RBFOX1: variants seen among roughly 807,000 people sequenced by gnomAD.
RBFOX1 encodes the protein RNA binding protein fox-1 homolog 1.
RBFOX1 carries 8 observed loss-of-function variants against 57.7 expected under a neutral mutation model. The ratio of observed to expected loss-of-function variants is 0.14; its 90% CI spans 0.08 to 0.25. The LOEUF (loss-of-function observed/expected upper bound fraction) is 0.25. RBFOX1 is among the 10% of genes least tolerant of loss of function. The pLI, the probability that RBFOX1 is intolerant of heterozygous loss-of-function variation, is 1.00. For missense variants in RBFOX1, 611 were observed against 548.5 expected (o/e 1.11, Z -1.14); for synonymous variants, 326 against 222.4 (o/e 1.47, Z -4.15).
At chr16:7,283,640 C>T (rs1047950914) in intron 4 of RBFOX1, among the ~76,000 whole-genome samples, 1 of 152,098 alleles carries the variant, frequency 6.6e-6, no homozygotes, top group African/African-American at 2.4e-5. Context: ...TGTATCCTTA[C>T]TCAGTTTTCT....
intron 1 of RBFOX1, among the ~76,000 whole-genome samples, chr16:6,091,801 AC>A (rs371334391): frequency 6.6e-6 from 1 of 152,310 alleles, no homozygotes; most frequent in African/African-American, 2.4e-5. Context: ...ACTGCACTCC[AC>A]CCTGTATGAC....
intron 3 of RBFOX1, among the ~76,000 whole-genome samples, chr16:6,731,275 C>G (rs1413638537): frequency 2.0e-5 from 3 of 152,124 alleles, no homozygotes; most frequent in Non-Finnish European, 2.9e-5. Flanking sequence ...AAGTAGAGTT[C>G]TGCACAACTA....
intron 4 of RBFOX1, among the ~76,000 whole-genome samples, chr16:7,245,466 A>T (rs907335599): frequency 1.4e-5 from 2 of 138,302 alleles, no homozygotes; most frequent in African/African-American, 5.7e-5. Context: ...GTTAAACCAT[A>T]CCTGGGGGTG....
intron 4 of RBFOX1, among the ~76,000 whole-genome samples, chr16:5,909,170 G>T (rs1156930848): frequency 7.2e-6 from 1 of 138,946 alleles, no homozygotes; most frequent in Non-Finnish European, 1.5e-5. Context: ...TGGGCTCACT[G>T]CAAGCTCCGC....
intron 3 of RBFOX1, among the ~76,000 whole-genome samples, chr16:5,668,292 A>C (rs2049910907): frequency 6.6e-6 from 1 of 152,176 alleles, no homozygotes; most frequent in Admixed American, 6.5e-5. Flanking sequence ...AAAACAACAA[A>C]AACACCAATT....
At chr16:6,662,129 G>C (rs962085952) in intron 3 of RBFOX1, among the ~76,000 whole-genome samples, 8 of 72,668 alleles carry the variant, frequency 1.1e-4, no homozygotes, top group African/African-American at 2.6e-4. Flanking sequence ...CGAGGGCTGG[G>C]GGCGGGGTGA....
chr16:7,437,995 G>C (rs2098736402), intron 4 of RBFOX1, among the ~76,000 whole-genome samples: 1 of 151,898 alleles, frequency 6.6e-6, no homozygotes, highest in South Asian at 2.1e-4. Context: ...CACTTTAGAA[G>C]TCCACGTGGA....
chr16:6,342,995 A>T (rs924455079), intron 2 of RBFOX1, among the ~76,000 whole-genome samples: 2 of 152,114 alleles, frequency 1.3e-5, no homozygotes, highest in African/African-American at 2.4e-5. Context: ...TTAGGAGACC[A>T]TGGTTTTTGA....
intron 1 of RBFOX1, among the ~76,000 whole-genome samples, chr16:5,356,601 C>T (rs989064323): frequency 3.3e-5 from 5 of 152,116 alleles, no homozygotes; most frequent in African/African-American, 1.2e-4. Flanking sequence ...TGGTGTCAGG[C>T]ACAGGTTTAC....
intron 14 of RBFOX1, chr16:7,693,402 C>A: frequency 2.9e-6 from 4 of 1,394,266 alleles, no homozygotes; most frequent in Non-Finnish European, 4.0e-6. Flanking sequence ...TGCATCCATC[C>A]AAGTCTCAGT....
chr16:7,677,074 T>C (rs2073495121), intron 14 of RBFOX1, among the ~76,000 whole-genome samples: 1 of 150,722 alleles, frequency 6.6e-6, no homozygotes, highest in Admixed American at 6.7e-5. Context: ...GCCTTGGTCC[T>C]TGTGTAGTTT....
At chr16:7,406,010 A>G (rs1289585731) in intron 4 of RBFOX1, among the ~76,000 whole-genome samples, 1 of 152,196 alleles carries the variant, frequency 6.6e-6, no homozygotes, top group Non-Finnish European at 1.5e-5. Context: ...CCTGCAACAC[A>G]CAGAGCATAT....
chr16:6,754,427 C>T (rs1041387747), intron 3 of RBFOX1, among the ~76,000 whole-genome samples: 2 of 152,164 alleles, frequency 1.3e-5, no homozygotes, highest in African/African-American at 2.4e-5. Flanking sequence ...AACCTACGGT[C>T]GAAGATTCAG....
chr16:6,993,166 C>T (rs1427993560), intron 3 of RBFOX1, among the ~76,000 whole-genome samples: 1 of 152,118 alleles, frequency 6.6e-6, no homozygotes, highest in East Asian at 1.9e-4. Context: ...TTTTCTTTGT[C>T]TCACTTGTCA....
At chr16:5,897,661 G>A (rs2058200558) in intron 4 of RBFOX1, among the ~76,000 whole-genome samples, 2 of 152,114 alleles carry the variant, frequency 1.3e-5, no homozygotes, top group African/African-American at 4.8e-5. Context: ...CTGGGATAAG[G>A]TGAACAAACC....
chr16:7,518,867 T>G (rs148856422), intron 5 of RBFOX1, among the ~76,000 whole-genome samples: 1 of 152,016 alleles, frequency 6.6e-6, no homozygotes, highest in African/African-American at 2.4e-5. Flanking sequence ...TACAAGAAAT[T>G]TAAAATTTAG....
At chr16:5,658,871 G>A (rs1172713586) in intron 3 of RBFOX1, among the ~76,000 whole-genome samples, 1 of 144,170 alleles carries the variant, frequency 6.9e-6, no homozygotes, top group Non-Finnish European at 1.5e-5. Flanking sequence ...GTGTGTATAT[G>A]TATAAATATA....
At chr16:7,630,474 C>A in intron 10 of RBFOX1, 129 bp from the exon 11 acceptor site, 2 of 1,524,594 alleles carry the variant, frequency 1.3e-6, no homozygotes, top group Admixed American at 2.1e-5. Context: ...TTGTTGGGTA[C>A]CCTTGTCCTG....
intron 4 of RBFOX1, among the ~76,000 whole-genome samples, chr16:7,208,021 C>A (rs953769009): frequency 1.3e-5 from 2 of 152,156 alleles, no homozygotes; most frequent in African/African-American, 4.8e-5. Flanking sequence ...CTGAAACCGG[C>A]GCATGGTATC....
Sources: allele counts gnomAD v4.1 joint callset (sites outside exome capture counted in the v4.1 genomes callset), GRCh38; gene constraint gnomAD v4.1.1; transcripts MANE v1.5; gene names NCBI Gene and HGNC (gene_info 2026-07-23, HGNC 2026-07-21).